CNTN5: variants seen among roughly 807,000 people sequenced by gnomAD.
The protein encoded by CNTN5 is contactin-5.
Under a neutral mutation model 129.1 loss-of-function variants are expected in CNTN5, and 77 were observed. The ratio of observed to expected loss-of-function variants is 0.60; its 90% confidence interval spans 0.50 to 0.72. The LOEUF is 0.72. Ranked by LOEUF, CNTN5 falls within the 30% of genes least tolerant of loss-of-function variation. The pLI is 0.00. For synonymous variants in CNTN5, 509 were observed against 465.6 expected (o/e 1.09, Z -1.20); for missense variants, 1,478 against 1,328.8 (o/e 1.11, Z -1.75).
chr11:99,984,347 AGAAAAG>A (rs1426019519), intron 8 of CNTN5, among the ~76,000 whole-genome samples: 1 of 152,016 alleles, frequency 6.6e-6, no homozygotes, highest in African/African-American at 2.4e-5. Flanking sequence ...AAAGAAAATG[AGAAAAG>A]GAAAAGGAAA....
intron 9 of CNTN5, among the ~76,000 whole-genome samples, chr11:100,017,598 T>C (rs1349165089): frequency 1.3e-5 from 2 of 152,004 alleles, no homozygotes; most frequent in Admixed American, 1.3e-4. Flanking sequence ...TGACATGTAC[T>C]TCCTCCATCT....
chr11:100,279,112 T>C (rs568442438), intron 18 of CNTN5, among the ~76,000 whole-genome samples: 1 of 152,152 alleles, frequency 6.6e-6, no homozygotes, highest in East Asian at 1.9e-4. Flanking sequence ...CATTGACTTA[T>C]TTGTGTATGT....
At chr11:99,996,406 C>T (rs1939447750) in intron 8 of CNTN5, among the ~76,000 whole-genome samples, 1 of 152,102 alleles carries the variant, frequency 6.6e-6, no homozygotes. Context: ...ATAATCAATG[C>T]TCTCTATTTT....
chr11:100,239,759 A>T (rs1202935642), intron 16 of CNTN5, among the ~76,000 whole-genome samples: 5 of 152,232 alleles, frequency 3.3e-5, no homozygotes, highest in African/African-American at 1.2e-4. Flanking sequence ...TAGGACAAAC[A>T]TACAAAATCT....
At chr11:99,894,391 A>G (rs1322174264) in intron 6 of CNTN5, among the ~76,000 whole-genome samples, 1 of 151,986 alleles carries the variant, frequency 6.6e-6, no homozygotes, top group East Asian at 1.9e-4. Flanking sequence ...ACCTAAATAA[A>G]CAACTGGAGA....
At chr11:99,194,279 A>G (rs937657217) in intron 1 of CNTN5, among the ~76,000 whole-genome samples, 1 of 152,156 alleles carries the variant, frequency 6.6e-6, no homozygotes, top group Non-Finnish European at 1.5e-5. Flanking sequence ...AGGTGATTTC[A>G]AAGAGATAAA....
chr11:99,077,842 C>A (rs969025749), intron 1 of CNTN5, among the ~76,000 whole-genome samples: 12 of 152,128 alleles, frequency 7.9e-5, no homozygotes, highest in African/African-American at 2.7e-4. Context: ...CCTCCCCTTT[C>A]CCTTCCCCTG....
intron 2 of CNTN5, among the ~76,000 whole-genome samples, chr11:99,363,632 C>G (rs755981611): frequency 6.6e-6 from 1 of 151,948 alleles, no homozygotes; most frequent in Non-Finnish European, 1.5e-5. Context: ...TTTTCTAATC[C>G]TTTTCCTAGG....
chr11:100,074,059 A>G, intron 12 of CNTN5, 85 bp from the exon 13 acceptor site: 1 of 1,299,104 alleles, frequency 7.7e-7, no homozygotes, highest in Non-Finnish European at 1.1e-6. Context: ...CTCCCAGAAG[A>G]AAAAGTTACA....
chr11:100,190,242 GC>G (rs1948437841), intron 13 of CNTN5, among the ~76,000 whole-genome samples: 1 of 152,030 alleles, frequency 6.6e-6, no homozygotes, highest in Non-Finnish European at 1.5e-5. Flanking sequence ...CTTACCCAAA[GC>G]TAGTGGCATA....
chr11:99,591,101 G>A (rs369213352), intron 3 of CNTN5, among the ~76,000 whole-genome samples: 1 of 152,042 alleles, frequency 6.6e-6, no homozygotes, highest in Non-Finnish European at 1.5e-5. Flanking sequence ...TCTCCACGTT[G>A]GCCCAGGCTT....
At chr11:100,276,258 G>A (rs1433293512) in intron 18 of CNTN5, among the ~76,000 whole-genome samples, 2 of 151,910 alleles carry the variant, frequency 1.3e-5, no homozygotes, top group Non-Finnish European at 2.9e-5. Context: ...AGAAATACTC[G>A]GTCAGGCACG....
chr11:99,922,348 A>C (rs1036166799), intron 7 of CNTN5, among the ~76,000 whole-genome samples: 1 of 152,230 alleles, frequency 6.6e-6, no homozygotes, highest in African/African-American at 2.4e-5. Flanking sequence ...CTACAAGTCA[A>C]GATGAGATTT....
At chr11:99,737,504 C>G (rs769252840) in intron 3 of CNTN5, among the ~76,000 whole-genome samples, 1 of 152,126 alleles carries the variant, frequency 6.6e-6, no homozygotes, top group Non-Finnish European at 1.5e-5. Flanking sequence ...GAATTTATTT[C>G]TTGGTGTCTG....
chr11:100,002,498 A>G (rs1248541143), intron 9 of CNTN5, among the ~76,000 whole-genome samples: 1 of 152,282 alleles, frequency 6.6e-6, no homozygotes, highest in African/African-American at 2.4e-5. Flanking sequence ...CTCCTCATGT[A>G]TAGGATGTAG....
At position 99,890,785 on chromosome 11, in the gene CNTN5, C is replaced by G. The variant is rs182894258; in HGVS notation, c.578-25269C>G. On this transcript the variant is annotated intron_variant, in intron 6 of 24. Transcript: ENST00000524871. ...AAGGAATAATTTTATAGAGGGGAAG[C>G]CTGGCAAACACAATCTCGACTAAGG... Among the ~76,000 whole-genome samples the G allele has an allele frequency of 4.1e-4, 62 of 152,194 alleles. No homozygotes were observed. The East Asian group carries it at 0.011, about 27-fold the overall frequency.
intron 8 of CNTN5, among the ~76,000 whole-genome samples, chr11:99,981,076 G>GAATATATATATATATATATATATA (rs1385717951): frequency 8.1e-5 from 1 of 12,332 alleles, no homozygotes; most frequent in Non-Finnish European, 1.7e-4. Flanking sequence ...AGAGCCAATA[G>GAATATATATATATATATATATATA]GATATATATA....
intron 13 of CNTN5, among the ~76,000 whole-genome samples, chr11:100,130,319 C>T (rs988156820): frequency 5.9e-5 from 9 of 152,188 alleles, no homozygotes; most frequent in South Asian, 4.1e-4. Context: ...ATGTGCTAGA[C>T]GCTATGTTAG....
chr11:99,043,444 GAAT>G (rs1440848685), intron 1 of CNTN5, among the ~76,000 whole-genome samples: 3 of 151,870 alleles, frequency 2.0e-5, no homozygotes, highest in Non-Finnish European at 4.4e-5. Context: ...TAAAAAAAAA[GAAT>G]AATTAGAACT....
Sources: gnomAD v4.1 joint callset for allele counts (sites outside exome capture counted in the v4.1 genomes callset) on GRCh38, gnomAD v4.1.1 for gene constraint, MANE v1.5 for transcripts, NCBI Gene and HGNC (gene_info 2026-07-23, HGNC 2026-07-21) for gene names.